POU6F2: variants seen among roughly 807,000 people sequenced by gnomAD.
POU6F2 encodes the protein POU class 6 homeobox 2.
POU6F2 carries 31 observed loss-of-function variants against 71.3 expected under a neutral mutation model. The ratio of observed to expected loss-of-function variants is 0.43; its 90% CI spans 0.33 to 0.59. The LOEUF is 0.59. Among genes scored for constraint, POU6F2 ranks in the 20% least tolerant of loss-of-function variants. POU6F2 has a pLI of 0.04. For missense variants in POU6F2, 783 were observed against 856.8 expected (o/e 0.91, Z 1.07); for synonymous variants, 347 against 355.7 (o/e 0.98, Z 0.27).
intron 6 of POU6F2, among the ~76,000 whole-genome samples, chr7:39,419,818 G>A (rs1377080780): frequency 4.6e-5 from 7 of 152,140 alleles, no homozygotes; most frequent in East Asian, 3.8e-4. Flanking sequence ...ATTAGTGACC[G>A]GGTAAGCTGG....
intron 2 of POU6F2, among the ~76,000 whole-genome samples, chr7:39,113,373 T>C (rs576665298): frequency 1.3e-5 from 2 of 152,264 alleles, no homozygotes; most frequent in Admixed American, 1.3e-4. Flanking sequence ...GGTTCATGGC[T>C]ACAGTAATGG....
chr7:39,329,606 A>G (rs1785595554), intron 4 of POU6F2, among the ~76,000 whole-genome samples: 1 of 152,136 alleles, frequency 6.6e-6, no homozygotes, highest in African/African-American at 2.4e-5. Flanking sequence ...GGGAGAAGTC[A>G]AGGGAATAGA....
At chr7:39,015,204 G>A (rs1188554501) in intron 1 of POU6F2, among the ~76,000 whole-genome samples, 1 of 147,266 alleles carries the variant, frequency 6.8e-6, no homozygotes, top group East Asian at 2.0e-4. Context: ...AATGGTATGT[G>A]TAGGTCTGAT....
chr7:39,185,805 ATATGTATATGTATATG>A (rs1185780660), intron 2 of POU6F2, among the ~76,000 whole-genome samples: 1 of 22,042 alleles, frequency 4.5e-5, no homozygotes, highest in Non-Finnish European at 7.0e-5. Context: ...ATACATATAT[ATATGTATATGTATATG>A]TATATGTATA....
Position 39,016,014 on chromosome 7 carries a change from T to TAGA in POU6F2, c.105+37956_105+37957insAGA, listed in dbSNP as rs1473874178. On this transcript the variant is annotated intron_variant, in intron 1 of 9. Transcript: ENST00000518318. Reference sequence around the variant, plus strand: ...ATAATATATAGATATATATTATATATTATATATATTATATATAGATATATA... The same window carrying TAGA: ...ATAATATATAGATATATATTATATATAGATATATATATTATATATAGATATATA... Among the ~76,000 whole-genome samples, 47 of 59,330 alleles carry TAGA rather than the reference T, an allele frequency of 7.9e-4. 2 individuals carry two copies. The highest frequency in any genetic ancestry group is 2.7e-3 in the African/African-American group (38 of 13,894). The allele number at this position is 59,330 out of a possible 152,430, so 38.9% of individuals were successfully genotyped here. A position where few individuals can be genotyped will look rare whatever the true frequency, so the allele number is the denominator to read the frequency against.
At chr7:39,253,055 C>T (rs1584626788) in intron 4 of POU6F2, among the ~76,000 whole-genome samples, 1 of 152,156 alleles carries the variant, frequency 6.6e-6, no homozygotes, top group Admixed American at 6.5e-5. Flanking sequence ...ATTCCATGAA[C>T]GTTAGTGCAG....
chr7:39,350,396 G>A (rs1380773104), intron 5 of POU6F2, among the ~76,000 whole-genome samples: 1 of 152,088 alleles, frequency 6.6e-6, no homozygotes, highest in East Asian at 1.9e-4. Flanking sequence ...CTGGAATCTG[G>A]TTGTCTTGGA....
intron 1 of POU6F2, among the ~76,000 whole-genome samples, chr7:39,039,199 C>T (rs1349268198): frequency 6.6e-6 from 1 of 151,966 alleles, no homozygotes; most frequent in African/African-American, 2.4e-5. Flanking sequence ...ATTTCTCTTG[C>T]TATTTTACCA....
chr7:39,126,933 C>T, intron 2 of POU6F2, among the ~76,000 whole-genome samples: 1 of 152,108 alleles, frequency 6.6e-6, no homozygotes, highest in East Asian at 1.9e-4. Context: ...TTGACCATCA[C>T]AGCCCAGTAG....
chr7:39,113,433 C>T (rs1446852447), intron 2 of POU6F2, among the ~76,000 whole-genome samples: 2 of 152,024 alleles, frequency 1.3e-5, no homozygotes, highest in Non-Finnish European at 2.9e-5. Context: ...TTCATGTTTT[C>T]TCCCCAAATC....
chr7:39,141,042 T>C (rs915730394), intron 2 of POU6F2, among the ~76,000 whole-genome samples: 3 of 152,250 alleles, frequency 2.0e-5, no homozygotes, highest in South Asian at 2.1e-4. Flanking sequence ...TCAGAAGTTA[T>C]TCCGAGCACT....
At chr7:39,071,610 T>C (rs1184060271) in intron 1 of POU6F2, among the ~76,000 whole-genome samples, 1 of 149,490 alleles carries the variant, frequency 6.7e-6, no homozygotes, top group Non-Finnish European at 1.5e-5. Context: ...ACCCAGGAGT[T>C]CAAGACCAGC....
intron 2 of POU6F2, among the ~76,000 whole-genome samples, chr7:39,150,820 C>T (rs73365546): frequency 0.017 from 2,625 of 152,012 alleles, 67 homozygotes; most frequent in African/African-American, 0.06. Context: ...TCCATACTGT[C>T]GCAAACATCT....
At chr7:39,253,249 G>T (rs1171776305) in intron 4 of POU6F2, among the ~76,000 whole-genome samples, 2 of 152,188 alleles carry the variant, frequency 1.3e-5, no homozygotes, top group Non-Finnish European at 2.9e-5. Flanking sequence ...AAAAGTTGCA[G>T]GAATTTAGAT....
At chr7:39,150,496 T>G (rs998213944) in intron 2 of POU6F2, among the ~76,000 whole-genome samples, 33 of 136,840 alleles carry the variant, frequency 2.4e-4, no homozygotes, top group Middle Eastern at 3.7e-3. Context: ...AGACAGAGTC[T>G]CACTCTGTTT....
intron 4 of POU6F2, among the ~76,000 whole-genome samples, chr7:39,276,489 T>G (rs1784442134): frequency 6.6e-6 from 1 of 151,536 alleles, no homozygotes. Context: ...TGGAAGTCAG[T>G]GTGGCGATTC....
At chr7:38,997,307 GACTC>G (rs1179341401) in intron 1 of POU6F2, among the ~76,000 whole-genome samples, 1 of 151,938 alleles carries the variant, frequency 6.6e-6, no homozygotes, top group African/African-American at 2.4e-5. Flanking sequence ...CTCCAGTTCA[GACTC>G]TACACTCTAG....
At chr7:39,058,794 A>G (rs1259556746) in intron 1 of POU6F2, among the ~76,000 whole-genome samples, 2 of 152,222 alleles carry the variant, frequency 1.3e-5, no homozygotes, top group African/African-American at 4.8e-5. Context: ...TGTAATACAA[A>G]TGATGGAGGG....
At chr7:39,364,003 T>C (rs1414146583) in intron 5 of POU6F2, among the ~76,000 whole-genome samples, 1 of 152,134 alleles carries the variant, frequency 6.6e-6, no homozygotes, top group Non-Finnish European at 1.5e-5. Flanking sequence ...GAGAGGTTTG[T>C]TTTTTAAGAT....
Sources: gnomAD v4.1 joint callset for allele counts (sites outside exome capture counted in the v4.1 genomes callset) on GRCh38, gnomAD v4.1.1 for gene constraint, MANE v1.5 for transcripts, NCBI Gene and HGNC (gene_info 2026-07-23, HGNC 2026-07-21) for gene names.